ZNF362: variants seen among roughly 807,000 people sequenced by gnomAD.
ZNF362 encodes the protein rotund homolog.
A neutral mutation model predicts 42.9 loss-of-function variants in ZNF362; 11 were observed. That is an observed-to-expected ratio of 0.26 (90% confidence interval 0.16 to 0.42). The LOEUF (loss-of-function observed/expected upper bound fraction) is 0.42, where lower values mean the gene tolerates loss of function less well. Ranked by LOEUF, ZNF362 falls within the 20% of genes least tolerant of loss-of-function variation. The pLI is 1.00. For synonymous variants in ZNF362, 255 were observed against 257.3 expected (o/e 0.99, Z 0.09); for missense variants, 362 against 576.2 (o/e 0.63, Z 3.81).
At chr1:33,205,526 A>G in the ZNF362 span, among the ~76,000 whole-genome samples, 2 of 152,142 alleles carry the variant, frequency 1.3e-5, no homozygotes, top group Non-Finnish European at 2.9e-5. Context: ...AGAAAAAAAT[A>G]ACTTTGAAAA....
At chr1:33,149,604 A>G in the ZNF362 span, among the ~76,000 whole-genome samples, 1 of 151,290 alleles carries the variant, frequency 6.6e-6, no homozygotes, top group Non-Finnish European at 1.5e-5. Context: ...ATAGGCATGC[A>G]TCACTATGCG....
chr1:33,200,098 AG>A, the ZNF362 span: 1 of 152,470 alleles, frequency 6.6e-6, no homozygotes, highest in Admixed American at 6.5e-5. Context: ...AAAGTCCAGG[AG>A]GGGCTAAGTG....
the ZNF362 span, chr1:33,147,498 G>A: frequency 3.9e-5 from 63 of 1,613,008 alleles, no homozygotes; most frequent in Non-Finnish European, 5.0e-5. The surrounding 1 kb of genome is among the most constrained non-coding windows in gnomAD (Gnocchi z 8.1). Context: ...TTGCGGCTTC[G>A]TGTGCCAGCC....
At chr1:33,245,173 G>A in the ZNF362 span, among the ~76,000 whole-genome samples, 2 of 152,216 alleles carry the variant, frequency 1.3e-5, no homozygotes, top group African/African-American at 2.4e-5. Flanking sequence ...TGTTTAAAGT[G>A]TGAGGCTGGG....
chr1:33,283,334 C>A (rs1476555444), intron 6 of ZNF362, among the ~76,000 whole-genome samples: 2 of 152,042 alleles, frequency 1.3e-5, no homozygotes. Flanking sequence ...GTCTTTGAAT[C>A]CTTTATCCCT....
upstream of ZNF362, among the ~76,000 whole-genome samples, chr1:33,253,102 T>A (rs1285806394): frequency 6.6e-6 from 1 of 150,968 alleles, no homozygotes; most frequent in Non-Finnish European, 1.5e-5. Context: ...GATAAGTAAG[T>A]ATTCACTACA....
chr1:33,281,832 CCTGCTGCAGCCCGA>C lies in ZNF362; in HGVS notation c.908+24_908+37del. 6.2e-7 allele frequency: 1 copy of C among 1,609,682 alleles called. No homozygotes were observed. Among genetic ancestry groups the C allele is most frequent in the Non-Finnish European group, 8.5e-7 (1 of 1,176,374 alleles). ...ACCAGGTGAGTGGCCTGCCTGCTGCCCTGCTGCAGCCCGACTCAGCTCAGCACCCGTGGCCTGGC... is the reference window on the plus strand; with the variant it reads ...ACCAGGTGAGTGGCCTGCCTGCTGCCCTCAGCTCAGCACCCGTGGCCTGGC... On this transcript the variant is annotated intron_variant, in intron 6 of 8. Transcript: ENST00000539719. The surrounding 1 kb of genome is among the most constrained non-coding windows in gnomAD (Gnocchi z 4.8).
chr1:33,143,942 G>A, the ZNF362 span, among the ~76,000 whole-genome samples: 3 of 152,246 alleles, frequency 2.0e-5, no homozygotes, highest in Non-Finnish European at 4.4e-5. Flanking sequence ...AGACAAGACA[G>A]AATAGTGGGC....
rs1289163224 is a variant in ZNF362 at position 33,266,534 on chromosome 1, TTTAAG to T, written c.-88-3950_-88-3946del. 6.6e-6 allele frequency among the ~76,000 whole-genome samples: 1 copy of T among 152,144 alleles called. No individual in the cohort carries two copies. Among genetic ancestry groups the T allele is most frequent in the African/African-American group, 2.4e-5 (1 of 41,430 alleles). On this transcript the variant is annotated intron_variant, in intron 1 of 8. Coordinates refer to ENST00000539719, the MANE Select transcript of ZNF362 (RefSeq NM_152493.3). The surrounding 1 kb of genome is among the most constrained non-coding windows in gnomAD (Gnocchi z 4.3). ...TATGTGGGAAACGTCAAAAGTGACC[TTTAAG>T]TTGAGACAGGAGGGAAGACCTGGGT...
At chr1:33,241,481 G>T in the ZNF362 span, among the ~76,000 whole-genome samples, 1 of 145,018 alleles carries the variant, frequency 6.9e-6, no homozygotes, top group African/African-American at 2.6e-5. Flanking sequence ...GGGCCAAAGA[G>T]CTAAACTCCA....
At chr1:33,236,685 T>C in the ZNF362 span, among the ~76,000 whole-genome samples, 1 of 150,252 alleles carries the variant, frequency 6.7e-6, no homozygotes, top group Non-Finnish European at 1.5e-5. Context: ...TTAAAAATGC[T>C]GACACTCAAT....
chr1:33,248,562 C>A, the ZNF362 span, among the ~76,000 whole-genome samples: 4 of 152,208 alleles, frequency 2.6e-5, no homozygotes, highest in Non-Finnish European at 5.9e-5. Flanking sequence ...TTTCCTATCT[C>A]ACATCTTGAA....
At chr1:33,203,316 G>A in the ZNF362 span, among the ~76,000 whole-genome samples, 3 of 151,992 alleles carry the variant, frequency 2.0e-5, no homozygotes, top group African/African-American at 7.2e-5. Context: ...CCTTTTTTAA[G>A]GCTGAATGAT....
Position 33,270,603 on chromosome 1 carries a change from G to C in ZNF362, c.29G>C (p.Gly10Ala). MSRSSPSGK[G>A]HSRMAEPRFN... is the part of the protein sequence containing the mutation. ...AGTAGAAGTTCACCAAGTGGGAAAGGACACTCTAGGTAAGGAGCCTGTGAT... is the reference window on the plus strand; with the variant it reads ...AGTAGAAGTTCACCAAGTGGGAAAGCACACTCTAGGTAAGGAGCCTGTGAT... The change falls in exon 2 of 9, where the codon GGA (glycine) becomes GCA (alanine). Residue 10 changes from glycine (G) to alanine (A), a missense_variant. Physicochemically the swap from Gly to Ala is moderately conservative, Grantham distance 60. Coordinates refer to ENST00000539719, the MANE Select transcript of ZNF362 (RefSeq NM_152493.3). 2 of 1,613,202 alleles carry C rather than the reference G, an allele frequency of 1.2e-6. No individual in the cohort carries two copies. The highest frequency in any genetic ancestry group is 8.5e-7 in the Non-Finnish European group (1 of 1,179,354).
At chr1:33,198,604 C>T in the ZNF362 span, among the ~76,000 whole-genome samples, 1 of 152,018 alleles carries the variant, frequency 6.6e-6, no homozygotes, top group South Asian at 2.1e-4. Flanking sequence ...GAGGTTGAGG[C>T]TGATGTGAAC....
the ZNF362 span, among the ~76,000 whole-genome samples, chr1:33,176,925 A>G: frequency 1.3e-5 from 2 of 152,158 alleles, no homozygotes. Context: ...CTCGATGAAT[A>G]TTGGCTGAGA....
chr1:33,269,204 A>G (rs367837013), intron 1 of ZNF362, among the ~76,000 whole-genome samples: 1 of 152,154 alleles, frequency 6.6e-6, no homozygotes, highest in East Asian at 1.9e-4. Context: ...CCCCTGCCCC[A>G]TGCCTCTGGA....
chr1:33,140,283 G>A, the ZNF362 span, among the ~76,000 whole-genome samples: 10 of 152,216 alleles, frequency 6.6e-5, no homozygotes, highest in African/African-American at 2.4e-4. This position sits in a 1 kb window ranked among gnomAD's most constrained non-coding sequence, Gnocchi z 4.0. Context: ...CCCAGGTCTC[G>A]ACTCACAGCC....
At chr1:33,245,999 A>G in the ZNF362 span, among the ~76,000 whole-genome samples, 1 of 152,168 alleles carries the variant, frequency 6.6e-6, no homozygotes, top group Non-Finnish European at 1.5e-5. Context: ...GGCAAAGATC[A>G]GAGTTATGCA....
Sources: gnomAD v4.1 joint callset for allele counts (sites outside exome capture counted in the v4.1 genomes callset) on GRCh38, gnomAD v4.1.1 for gene constraint, Gnocchi (gnomAD v3.1) non-coding constraint, MANE v1.5 for transcripts, NCBI Gene and HGNC (gene_info 2026-07-23, HGNC 2026-07-21) for gene names.